The following FER1L5 variants were observed in gnomAD, a reference collection of about 807,000 sequenced individuals.
FER1L5 encodes fer-1-like protein 5.
A neutral mutation model predicts 279.9 loss-of-function variants in FER1L5; 187 were observed. The observed-to-expected ratio is 0.67, with a 90% confidence interval of 0.59 to 0.75. The LOEUF (loss-of-function observed/expected upper bound fraction) is 0.75, where lower values mean the gene tolerates loss of function less well. Ranked by LOEUF, FER1L5 falls within the 30% of genes least tolerant of loss-of-function variation. The probability of loss-of-function intolerance (pLI) is 0.00; values close to 1 mark genes in which losing one functional copy is unlikely to be tolerated. For missense variants in FER1L5, 2,091 were observed against 2,594.4 expected (o/e 0.81, Z 4.21); for synonymous variants, 921 against 989.7 (o/e 0.93, Z 1.30).
At position 96,698,718 on chromosome 2, in the gene FER1L5, G is replaced by GC. The variant is rs1166849888; in HGVS notation, c.4409dup (p.Leu1471AlafsTer38). ...TTCCTGAGAATCCAGAAGCCCCAAAGCCCCCGCTGCAGTTCTTGGTTTGGC... is the reference window on the plus strand; with the variant it reads ...TTCCTGAGAATCCAGAAGCCCCAAAGCCCCCCGCTGCAGTTCTTGGTTTGGC... On this transcript the variant is annotated frameshift_variant, in exon 41 of 53. Coordinates refer to ENST00000624922, the MANE Select transcript of FER1L5 (RefSeq NM_001293083.2). LOFTEE classifies it high-confidence loss of function. This position sits in a 1 kb window ranked among gnomAD's most constrained non-coding sequence, Gnocchi z 5.5. 6.3e-7 allele frequency: 1 copy of GC among 1,582,646 alleles called. No individual in the cohort carries two copies. The highest frequency in any genetic ancestry group is 8.6e-7 in the Non-Finnish European group (1 of 1,165,196).
intron 14 of FER1L5, among the ~76,000 whole-genome samples, chr2:96,668,061 A>G (rs544248837): frequency 2.4e-4 from 37 of 151,752 alleles, no homozygotes; most frequent in Non-Finnish European, 2.9e-5. Flanking sequence ...GGATTTCATC[A>G]TGTTGCCCAG....
chr2:96,648,350 G>T (rs983474763), intron 4 of FER1L5, among the ~76,000 whole-genome samples: 2 of 152,228 alleles, frequency 1.3e-5, no homozygotes, highest in African/African-American at 4.8e-5. Flanking sequence ...TTCAGAGCTT[G>T]TGCTAGCAAG....
intron 23 of FER1L5, 63 bp from the exon 24 acceptor site, chr2:96,687,753 G>A (rs1288849774): frequency 1.3e-6 from 2 of 1,538,594 alleles, no homozygotes; most frequent in East Asian, 2.5e-5. Context: ...CCACTTGGGG[G>A]GTGGCCGGGG....
At position 96,698,832 on chromosome 2, in the gene FER1L5, G is replaced by A; in HGVS notation, c.4518G>A (p.Leu1506=). The A allele has an allele frequency of 1.9e-6, 3 of 1,560,114 alleles. No individual in the cohort carries two copies. The highest frequency in any genetic ancestry group is 2.6e-6 in the Non-Finnish European group (3 of 1,152,192). ...TGCAGCCCCAGGACTACAATGGCCT[G>A]GTAAAGAACAGTACCTGCCCCACAC... is the stretch of plus-strand genomic sequence containing the variant. ...INLQPQDYNG[L]CDPYVILKLG... Residue 1506 remains leucine, a splice_region_variant and synonymous_variant, in exon 41 of 53, where the codon CTG becomes CTA. Coordinates refer to ENST00000624922, the MANE Select transcript of FER1L5 (RefSeq NM_001293083.2). This position sits in a 1 kb window ranked among gnomAD's most constrained non-coding sequence, Gnocchi z 5.5.
At chr2:96,681,274 G>A (rs1050934837) in intron 19 of FER1L5, among the ~76,000 whole-genome samples, 13 of 152,300 alleles carry the variant, frequency 8.5e-5, no homozygotes, top group African/African-American at 3.1e-4. Context: ...TTGAGCCCAG[G>A]GGTTTGAGGC....
At chr2:96,701,870 C>A in intron 45 of FER1L5, 85 bp from the exon 46 acceptor site, 1 of 1,366,212 alleles carries the variant, frequency 7.3e-7, no homozygotes, top group South Asian at 1.2e-5. Flanking sequence ...CAACAGACCT[C>A]AGAACCTGGG....
At chr2:96,703,782 G>C in intron 51 of FER1L5, 150 bp downstream of exon 51, 1 of 675,022 alleles carries the variant, frequency 1.5e-6, no homozygotes, top group Non-Finnish European at 2.5e-6. Flanking sequence ...CAGACTTGGG[G>C]TGAGGGTTGG....
At chr2:96,679,823 A>C (rs779651029) in intron 19 of FER1L5, among the ~76,000 whole-genome samples, 1 of 151,612 alleles carries the variant, frequency 6.6e-6, no homozygotes, top group Non-Finnish European at 1.5e-5. Flanking sequence ...TCTTATTTCT[A>C]TCCTTATTTC....
intron 19 of FER1L5, among the ~76,000 whole-genome samples, chr2:96,683,838 G>T (rs965559391): frequency 6.6e-6 from 1 of 152,196 alleles, no homozygotes; most frequent in East Asian, 1.9e-4. Flanking sequence ...CTCTACGTTT[G>T]GTCTCACTTC....
At chr2:96,692,449 C>G (rs1381913581) in intron 31 of FER1L5, among the ~76,000 whole-genome samples, 1 of 152,224 alleles carries the variant, frequency 6.6e-6, no homozygotes, top group Non-Finnish European at 1.5e-5. Context: ...AGACACAAAA[C>G]AAAGACTACG....
chr2:96,699,696 G>A lies in FER1L5; in HGVS notation c.4757G>A (p.Cys1586Tyr). The A allele has an allele frequency of 6.2e-7, 1 of 1,614,004 alleles. No homozygotes were observed. Among genetic ancestry groups the A allele is most frequent in the Non-Finnish European group, 8.5e-7 (1 of 1,179,892 alleles). ...CTCCTATCTGGCTTTGGAGCTCATT[G>A]TGGGCTCTCCAAATCCTACTGCCAG... Reference protein sequence around the residue: ...NRLLSGFGAHCGLSKSYCQSG... With the variant: ...NRLLSGFGAHYGLSKSYCQSG... The change falls in exon 43 of 53, where the codon TGT becomes TAT. Residue 1586 changes from cysteine to tyrosine, a missense_variant. Transcript: ENST00000624922.
At position 96,691,344 on chromosome 2, in the gene FER1L5, C is replaced by T; in HGVS notation, c.2898C>T (p.Phe966=). 6.5e-7 allele frequency: 1 copy of T among 1,549,458 alleles called. No individual in the cohort carries two copies. The highest frequency in any genetic ancestry group is 8.7e-7 in the Non-Finnish European group (1 of 1,146,070). Residue 966 remains phenylalanine, a synonymous_variant, in exon 28 of 53, where the codon TTC becomes TTT. Transcript: ENST00000624922. The surrounding 1 kb of genome is among the most constrained non-coding windows in gnomAD (Gnocchi z 6.0). ...GCCACGAGCAGGAGACCCTCTCCTT[C>T]CTGCAGCTGGTGAGGGGTCGACGGG... The part of the protein sequence containing the change: ...ELSHEQETLS[F]LQLGLAKGEE...
chr2:96,650,176 C>T lies in FER1L5; in HGVS notation c.395-4C>T, dbSNP rs2075303711. 1 of 1,551,296 alleles carries T rather than the reference C, an allele frequency of 6.4e-7. No homozygotes were observed. On this transcript the variant is annotated splice_polypyrimidine_tract_variant and splice_region_variant and intron_variant, in intron 5 of 52. Coordinates refer to ENST00000624922, the MANE Select transcript of FER1L5 (RefSeq NM_001293083.2). ...TGACCCCACCCTGCACTGTGTCTCC[C>T]CAGGAGCTGAAGACCACCTGGGCAT...
chr2:96,698,942 C>T lies in FER1L5; in HGVS notation c.4519-103C>T, dbSNP rs917971141. 60 of 1,527,860 alleles carry T rather than the reference C, an allele frequency of 3.9e-5. No individual in the cohort carries two copies. Among genetic ancestry groups the T allele is most frequent in the Middle Eastern group, 3.4e-4 (2 of 5,950 alleles). 94.6% of individuals were successfully genotyped at this position (1,527,860 alleles called of 1,614,324 possible). A position where few individuals can be genotyped will look rare whatever the true frequency, so the allele number is the denominator to read the frequency against. The stretch of plus-strand genomic sequence containing the variant: ...CAGAATGCCAACTCCCCATAGGCTC[C>T]GTGTGGTGCGAGGGGCTTGTTTCCA... On this transcript the variant is annotated intron_variant, in intron 41 of 52. Coordinates refer to ENST00000624922, the MANE Select transcript of FER1L5 (RefSeq NM_001293083.2). This position sits in a 1 kb window ranked among gnomAD's most constrained non-coding sequence, Gnocchi z 5.5.
intron 14 of FER1L5, among the ~76,000 whole-genome samples, chr2:96,663,805 G>T (rs555676204): frequency 6.6e-6 from 1 of 152,156 alleles, no homozygotes; most frequent in Non-Finnish European, 1.5e-5. Context: ...CACTTTCGGA[G>T]GCTGACGTGG....
intron 13 of FER1L5, among the ~76,000 whole-genome samples, chr2:96,663,183 A>T (rs954244981): frequency 2.0e-5 from 3 of 152,230 alleles, no homozygotes; most frequent in African/African-American, 2.4e-5. Flanking sequence ...ATATCTATTT[A>T]AAAATGAAGT....
At chr2:96,664,013 C>T (rs1487339464) in intron 14 of FER1L5, among the ~76,000 whole-genome samples, 1 of 152,076 alleles carries the variant, frequency 6.6e-6, no homozygotes, top group Non-Finnish European at 1.5e-5. Flanking sequence ...GTATCACCTA[C>T]TTATTTGAGC....
intron 45 of FER1L5, among the ~76,000 whole-genome samples, chr2:96,700,697 A>G (rs566939372): frequency 2.6e-4 from 40 of 152,200 alleles, no homozygotes; most frequent in Non-Finnish European, 5.0e-4. Flanking sequence ...CATCTACAAG[A>G]AACAGAGGCC....
chr2:96,685,522 C>A (rs866754198), intron 21 of FER1L5, 93 bp downstream of exon 21: 23 of 1,062,838 alleles, frequency 2.2e-5, no homozygotes, highest in Admixed American at 2.6e-5. Context: ...CACCTCCCCC[C>A]GCCCTCCTCG....
Sources: allele counts gnomAD v4.1 joint callset (sites outside exome capture counted in the v4.1 genomes callset), GRCh38; gene constraint gnomAD v4.1.1; non-coding constraint Gnocchi (gnomAD v3.1); transcripts MANE v1.5; gene names NCBI Gene and HGNC (gene_info 2026-07-23, HGNC 2026-07-21).